Variants in SYK observed in about 807,000 individuals in gnomAD.
SYK encodes tyrosine-protein kinase SYK.
SYK carries 16 observed loss-of-function variants against 77.8 expected under a neutral mutation model. The ratio of observed to expected loss-of-function variants is 0.21; its 90% CI spans 0.14 to 0.31. SYK has a LOEUF of 0.31. SYK is among the 10% of genes least tolerant of loss of function. SYK has a pLI of 1.00. For missense variants in SYK, 529 were observed against 814.4 expected, an observed-to-expected ratio of 0.65 and a Z score of 4.26; for synonymous variants, 312 against 308.7, an observed-to-expected ratio of 1.01 and a Z score of -0.11.
At chr9:90,832,285 G>A (rs567969181) in intron 1 of SYK, among the ~76,000 whole-genome samples, 39 of 152,188 alleles carry the variant, frequency 2.6e-4, no homozygotes, top group Non-Finnish European at 4.7e-4. Flanking sequence ...GTATGATATC[G>A]ATGAAATGGA....
At chr9:90,877,541 G>C (rs559819343) in intron 9 of SYK, 30 bp from the exon 10 acceptor site, 1 of 1,612,648 alleles carries the variant, frequency 6.2e-7, no homozygotes, top group Non-Finnish European at 8.5e-7. Context: ...ATTTTGGAAA[G>C]TTTCTTGTGT....
intron 1 of SYK, among the ~76,000 whole-genome samples, chr9:90,814,834 GCACACA>G (rs567535954): frequency 4.3e-5 from 3 of 69,788 alleles, no homozygotes; most frequent in Non-Finnish European, 6.3e-5. Context: ...CAACACACGT[GCACACA>G]CACACACACA....
chr9:90,874,453 A>G (rs898155750), intron 8 of SYK, among the ~76,000 whole-genome samples, 162 bp downstream of exon 8: 2 of 152,216 alleles, frequency 1.3e-5, no homozygotes, highest in Non-Finnish European at 2.9e-5. Context: ...CAGGCACCAC[A>G]TGCCCATGAG....
At position 90,878,804 on chromosome 9, in the gene SYK, G is replaced by A. The variant is rs201724218; in HGVS notation, c.1432G>A (p.Val478Ile). 1.2e-6 allele frequency: 2 copies of A among 1,613,804 alleles called. No individual in the cohort carries two copies. Among genetic ancestry groups the A allele is most frequent in the Non-Finnish European group, 1.7e-6 (2 of 1,179,820 alleles). The change falls in exon 11 of 14, where the codon GTT becomes ATT. Residue 478 changes from valine (V) to isoleucine (I), a missense_variant. By Grantham distance (29) the Val-to-Ile change is conservative. This residue lies in a region of SYK where 208 missense variants were observed against 381.3 expected (regional missense o/e 0.55). Transcript: ENST00000375754. ...GAACATCATAGAACTGGTTCATCAG[G>A]TTTCCATGGGCATGAAGTACTTGGA... is the stretch of plus-strand genomic sequence containing the variant. ...DKNIIELVHQ[V>I]SMGMKYLEES...
intron 1 of SYK, among the ~76,000 whole-genome samples, chr9:90,809,536 A>G (rs1020565281): frequency 5.3e-5 from 8 of 152,310 alleles, no homozygotes; most frequent in South Asian, 4.1e-4. Flanking sequence ...AGACATGCCA[A>G]TTTTACTCAT....
At chr9:90,813,833 T>G (rs1293040810) in intron 1 of SYK, among the ~76,000 whole-genome samples, 1 of 152,202 alleles carries the variant, frequency 6.6e-6, no homozygotes, top group Non-Finnish European at 1.5e-5. Context: ...TAGATCCTAA[T>G]CATGTGTTTA....
rs139388374 is a variant in SYK, at chr9:90,874,672, G to A, written c.1004G>A (p.Gly335Asp). ...PELAPWAADK[G>D]PQREALPMDT... ...CGTATGTTTCTTGACTGCATTGCAGGCCCCCAGAGAGAAGCCCTACCCATG... is the reference window on the plus strand; with the variant it reads ...CGTATGTTTCTTGACTGCATTGCAGACCCCCAGAGAGAAGCCCTACCCATG... The change falls in exon 9 of 14, where the codon GGC (glycine) becomes GAC (aspartate). Residue 335 changes from glycine to aspartate, a missense_variant and splice_region_variant. This residue lies in a region of SYK where 321 missense variants were observed against 433.1 expected (regional missense o/e 0.74). Coordinates refer to ENST00000375754, the MANE Select transcript of SYK (RefSeq NM_003177.7). 1.2e-5 allele frequency: 19 copies of A among 1,610,264 alleles called. No individual in the cohort carries two copies. The African/African-American group carries it at 1.2e-4, about 10-fold the overall frequency.
At chr9:90,815,192 G>A (rs1043126206) in intron 1 of SYK, among the ~76,000 whole-genome samples, 1 of 152,146 alleles carries the variant, frequency 6.6e-6, no homozygotes, top group African/African-American at 2.4e-5. Flanking sequence ...TGTTTCTCAC[G>A]AAGGCAAAAC....
At chr9:90,826,083 A>G (rs1265412609) in intron 1 of SYK, among the ~76,000 whole-genome samples, 1 of 152,232 alleles carries the variant, frequency 6.6e-6, no homozygotes, top group Non-Finnish European at 1.5e-5. Flanking sequence ...ACCCAGCTCC[A>G]GGGAACAAGA....
chr9:90,808,871 G>C (rs114881425), intron 1 of SYK, among the ~76,000 whole-genome samples: 1,670 of 152,272 alleles, frequency 0.011, 30 homozygotes, highest in African/African-American at 0.038. Context: ...CCTTCAGTGT[G>C]AGCCTGACCT....
At chr9:90,875,925 A>G (rs944100926) in intron 9 of SYK, among the ~76,000 whole-genome samples, 6 of 152,174 alleles carry the variant, frequency 3.9e-5, no homozygotes, top group African/African-American at 1.4e-4. Context: ...TTGTAAAAAA[A>G]AAATTCGTGA....
intron 1 of SYK, among the ~76,000 whole-genome samples, chr9:90,828,698 G>A (rs1319594679): frequency 6.6e-6 from 1 of 152,144 alleles, no homozygotes; most frequent in Non-Finnish European, 1.5e-5. Flanking sequence ...TGTGTGCGTT[G>A]CGTGTGCGTC....
chr9:90,878,899 G>A lies in SYK; in HGVS notation c.1527G>A (p.Lys509=), dbSNP rs201341572. The A allele has an allele frequency of 4.9e-5, 79 of 1,614,180 alleles. No homozygotes were observed. Among genetic ancestry groups the A allele is most frequent in the Non-Finnish European group, 6.4e-5 (76 of 1,179,988 alleles). ...TGCTAGTTACCCAACATTACGCCAA[G>A]ATCAGTGATTTCGGACTTTCCAAAG... ...NVLLVTQHYA[K]ISDFGLSKAL... The change falls in exon 11 of 14, where the codon AAG becomes AAA. Residue 509 remains lysine (K), a synonymous_variant. Transcript: ENST00000375754.
At chr9:90,813,356 G>A (rs290234) in intron 1 of SYK, among the ~76,000 whole-genome samples, 117,544 of 151,850 alleles carry the variant, frequency 0.77, 45,985 homozygotes, top group East Asian at 0.99. Context: ...CGCCCAGAAG[G>A]GCCCCTGGAC....
intron 1 of SYK, among the ~76,000 whole-genome samples, chr9:90,840,019 A>G (rs1354708840): frequency 6.6e-6 from 1 of 152,096 alleles, no homozygotes; most frequent in Non-Finnish European, 1.5e-5. Context: ...AGGAAGCAGG[A>G]GGGCAGAAGG....
At chr9:90,885,261 G>A (rs984876499) in intron 11 of SYK, among the ~76,000 whole-genome samples, 7 of 152,040 alleles carry the variant, frequency 4.6e-5, no homozygotes, top group African/African-American at 1.7e-4. Flanking sequence ...AGAGAATTCT[G>A]AAAAACAATA....
intron 7 of SYK, among the ~76,000 whole-genome samples, chr9:90,868,954 G>A (rs925722079): frequency 2.0e-5 from 3 of 152,164 alleles, no homozygotes; most frequent in African/African-American, 7.2e-5. Flanking sequence ...TACTATGGGA[G>A]GCAGCTGAGA....
At chr9:90,861,677 A>G (rs149838011) in intron 3 of SYK, among the ~76,000 whole-genome samples, 3,701 of 152,152 alleles carry the variant, frequency 0.024, 86 homozygotes, top group Non-Finnish European at 0.034. Context: ...GGAGGCTTCC[A>G]TAACCCTCCA....
intron 11 of SYK, among the ~76,000 whole-genome samples, chr9:90,883,437 A>G (rs1273384210): frequency 1.3e-5 from 2 of 151,964 alleles, no homozygotes; most frequent in Non-Finnish European, 2.9e-5. Flanking sequence ...CCACAAAAAC[A>G]AATACCACCA....
Sources: gnomAD v4.1 joint callset for allele counts (sites outside exome capture counted in the v4.1 genomes callset) on GRCh38, gnomAD v4.1.1 for gene constraint, gnomAD v4.1.1 regional missense constraint, MANE v1.5 for transcripts, NCBI Gene and HGNC (gene_info 2026-07-23, HGNC 2026-07-21) for gene names.